Variants in NANS observed in about 807,000 individuals in gnomAD.
NANS encodes the protein N-acetylneuraminate synthase.
NANS carries 29 observed loss-of-function variants against 33.3 expected under a neutral mutation model. That is an observed-to-expected ratio of 0.87 (90% CI 0.65 to 1.19). NANS has a LOEUF of 1.19. NANS is among the 50% of genes most tolerant of loss of function. NANS has a pLI of 0.00. For synonymous variants in NANS, 163 were observed against 177.2 expected, an observed-to-expected ratio of 0.92 and a Z score of 0.64; for missense variants, 394 against 461.1, an observed-to-expected ratio of 0.85 and a Z score of 1.33.
intron 1 of NANS, among the ~76,000 whole-genome samples, chr9:98,057,847 C>T (rs67086483): frequency 5.7e-5 from 4 of 70,546 alleles, no homozygotes; most frequent in South Asian, 3.3e-4. Context: ...ATTTATTTAT[C>T]TATGTTAGAG....
At chr9:98,082,585 G>T (rs2118062805) in intron 5 of NANS, among the ~76,000 whole-genome samples, 1 of 152,348 alleles carries the variant, frequency 6.6e-6, no homozygotes, top group South Asian at 2.1e-4. Flanking sequence ...ACTGGGATTT[G>T]AACCTGGCTC....
intron 4 of NANS, among the ~76,000 whole-genome samples, chr9:98,079,561 A>G (rs1406440101): frequency 6.6e-6 from 1 of 152,162 alleles, no homozygotes; most frequent in Non-Finnish European, 1.5e-5. Flanking sequence ...CTTCACTTAC[A>G]GCTTATCTAA....
rs13049 is a variant in NANS, at chr9:98,060,802, T to C, written c.153T>C (p.Ala51=). 846,183 of 1,613,458 alleles carry C rather than the reference T, an allele frequency of 0.52. 231,026 individuals carry two copies. Among genetic ancestry groups the C allele is most frequent in the African/African-American group, 0.88 (65,914 of 75,008 alleles). Residue 51 remains alanine, a synonymous_variant, in exon 2 of 6, where the codon GCT becomes GCC. Coordinates refer to ENST00000210444, the MANE Select transcript of NANS (RefSeq NM_018946.4). ...TGTAGGAGTGTGGGGCTGATTGTGC[T>C]AAGTTCCAGAAGAGTGAGCTAGAAT... ...RMAKECGADC[A]KFQKSELEFK... is the part of the protein sequence containing the mutation.
At chr9:98,056,999 G>A in intron 1 of NANS, 59 bp downstream of exon 1, 1 of 1,494,648 alleles carries the variant, frequency 6.7e-7, no homozygotes, top group Non-Finnish European at 8.9e-7. Flanking sequence ...GGGCGGGGCC[G>A]CGGGGAGCCA....
chr9:98,081,792 G>A (rs1361711837), intron 5 of NANS: 1 of 152,180 alleles, frequency 6.6e-6, no homozygotes, highest in African/African-American at 2.4e-5. Flanking sequence ...GCATGCCTGG[G>A]ACTGTTGTCA....
chr9:98,081,938 T>C (rs1829883396), intron 5 of NANS: 1 of 152,166 alleles, frequency 6.6e-6, no homozygotes, highest in African/African-American at 2.4e-5. Context: ...CAGAGTAAGA[T>C]TTATAACAGC....
chr9:98,060,791 G>A lies in NANS; in HGVS notation c.142G>A (p.Ala48Thr), dbSNP rs1261338737. 4.3e-6 allele frequency: 7 copies of A among 1,614,052 alleles called. No homozygotes were observed. The highest frequency in any genetic ancestry group is 1.6e-4 in the Middle Eastern group (1 of 6,084). The change falls in exon 2 of 6, where the codon GCT becomes ACT. Residue 48 changes from alanine (A) to threonine (T), a missense_variant. By Grantham distance (58) the Ala-to-Thr change is moderately conservative. Coordinates refer to ENST00000210444, the MANE Select transcript of NANS (RefSeq NM_018946.4). ...CTAATGTGTGTTGTAGGAGTGTGGGGCTGATTGTGCTAAGTTCCAGAAGAG... is the reference window on the plus strand; with the variant it reads ...CTAATGTGTGTTGTAGGAGTGTGGGACTGATTGTGCTAAGTTCCAGAAGAG... ...RMIRMAKECG[A>T]DCAKFQKSEL...
In NANS at chr9:98,060,023, C is replaced by T. The variant is rs140446236; in HGVS notation, c.133-759C>T. Reference sequence around the variant, plus strand: ...GAGGTAGCCCAAACTGCTTTTATATCGATGGAGAAACTGAGTCCAGAGCTG... The same window carrying T: ...GAGGTAGCCCAAACTGCTTTTATATTGATGGAGAAACTGAGTCCAGAGCTG... On this transcript the variant is annotated intron_variant, in intron 1 of 5. Coordinates refer to ENST00000210444, the MANE Select transcript of NANS (RefSeq NM_018946.4). 1.8e-3 allele frequency among the ~76,000 whole-genome samples: 274 copies of T among 152,210 alleles called. 1 individual carries two copies. Among genetic ancestry groups the T allele is most frequent in the African/African-American group, 6.3e-3 (260 of 41,542 alleles).
At chr9:98,072,892 T>C (rs1433260411) in intron 2 of NANS, among the ~76,000 whole-genome samples, 1 of 152,210 alleles carries the variant, frequency 6.6e-6, no homozygotes, top group East Asian at 1.9e-4. Context: ...CACTGTATGC[T>C]GTTCTAGGGC....
At chr9:98,080,730 C>A in intron 4 of NANS, 86 bp from the exon 5 acceptor site, 1 of 1,454,056 alleles carries the variant, frequency 6.9e-7, no homozygotes, top group Non-Finnish European at 9.2e-7. Context: ...GTGGCTAAAC[C>A]GGGGCTCAAC....
rs1466841369 is a variant in NANS, at chr9:98,082,901, T to C, written c.926T>C (p.Met309Thr). Residue 309 changes from methionine (M) to threonine (T), a missense_variant, in exon 6 of 6, where the codon ATG (methionine) becomes ACG (threonine). Transcript: ENST00000210444. ...VKIPEGTILT[M>T]DMLTVKVGEP... Reference sequence around the variant, plus strand: ...ATTCCGGAAGGCACCATTCTAACAATGGACATGCTCACCGTGAAGGTGGGT... The same window carrying C: ...ATTCCGGAAGGCACCATTCTAACAACGGACATGCTCACCGTGAAGGTGGGT... The C allele has an allele frequency of 6.2e-7, 1 of 1,614,034 alleles. No homozygotes were observed. The highest frequency in any genetic ancestry group is 1.3e-5 in the African/African-American group (1 of 74,912).
intron 2 of NANS, among the ~76,000 whole-genome samples, chr9:98,067,609 AT>A (rs1249731979): frequency 6.6e-6 from 1 of 151,944 alleles, no homozygotes; most frequent in Non-Finnish European, 1.5e-5. Flanking sequence ...AAATTTAATT[AT>A]TTTTTCATGT....
intron 1 of NANS, among the ~76,000 whole-genome samples, chr9:98,057,489 C>T (rs1039709493): frequency 5.3e-5 from 8 of 152,200 alleles, no homozygotes; most frequent in African/African-American, 1.7e-4. Context: ...CCACTACTAG[C>T]TGTGTGAACA....
chr9:98,057,036 A>C (rs1015670159), intron 1 of NANS, 96 bp downstream of exon 1: 1 of 1,410,084 alleles, frequency 7.1e-7, no homozygotes. Context: ...GCGGCTGGGT[A>C]CCCTGGTCCG....
At chr9:98,058,201 G>A (rs1248533467) in intron 1 of NANS, among the ~76,000 whole-genome samples, 7 of 152,098 alleles carry the variant, frequency 4.6e-5, no homozygotes, top group African/African-American at 7.2e-5. Flanking sequence ...ACAGGTGTGA[G>A]CCACCACCCT....
At chr9:98,081,145 G>C (rs1829841668) in intron 5 of NANS, 63 bp downstream of exon 5, 1 of 1,594,622 alleles carries the variant, frequency 6.3e-7, no homozygotes, top group South Asian at 1.1e-5. Context: ...AGGCTGGCCT[G>C]AGAGGGATGG....
chr9:98,079,733 G>C (rs1225294747), intron 4 of NANS, among the ~76,000 whole-genome samples: 1 of 152,156 alleles, frequency 6.6e-6, no homozygotes, highest in African/African-American at 2.4e-5. Flanking sequence ...CCCCACTCAA[G>C]GTGCTGTCAT....
chr9:98,070,581 C>T (rs751203051), intron 2 of NANS, among the ~76,000 whole-genome samples: 17 of 151,638 alleles, frequency 1.1e-4, no homozygotes, highest in Non-Finnish European at 2.1e-4. Flanking sequence ...CCACCACACC[C>T]GACTAATTTT....
At chr9:98,066,682 G>A (rs1003534226) in intron 2 of NANS, among the ~76,000 whole-genome samples, 32 of 148,466 alleles carry the variant, frequency 2.2e-4, no homozygotes, top group African/African-American at 7.3e-4. Context: ...ACAGAGTCTC[G>A]CTCTATTGCC....
Sources: gnomAD v4.1 joint callset for allele counts (sites outside exome capture counted in the v4.1 genomes callset) on GRCh38, gnomAD v4.1.1 for gene constraint, MANE v1.5 for transcripts, NCBI Gene and HGNC (gene_info 2026-07-23, HGNC 2026-07-21) for gene names.